The following KDM5D variants were observed in gnomAD, a reference collection of about 807,000 sequenced individuals.
KDM5D encodes the protein lysine demethylase 5D.
In KDM5D, 25 loss-of-function variants were observed where a neutral mutation model predicts 31.9. That is an observed-to-expected ratio of 0.78 (90% CI 0.57 to 1.09). KDM5D has a LOEUF of 1.09. KDM5D is among the 50% of genes least tolerant of loss of function. KDM5D has a pLI of 0.00. For missense variants in KDM5D, 366 were observed against 341.6 expected (o/e 1.07, Z -0.56); for synonymous variants, 146 against 122.3 (o/e 1.19, Z -1.28).
chrY:19,706,510 G>A lies in KDM5D; in HGVS notation c.4200C>T (p.Asn1400=). The part of the protein sequence containing the change: ...GDLLEVTLDE[N]HSIWQLLQAG... The stretch of plus-strand genomic sequence containing the variant: ...CCTGCAGCAGCTGCCAGATGCTGTG[G>A]TTCTCATCCAGGGTCACCTCAAGCA... The change falls in exon 26 of 27, where the codon AAC becomes AAT. Residue 1400 remains asparagine, a synonymous_variant. Transcript: ENST00000317961. 2.5e-6 allele frequency: 1 copy of A among 396,542 alleles called. No homozygotes were observed. Among genetic ancestry groups the A allele is most frequent in the Non-Finnish European group, 3.5e-6 (1 of 283,139 alleles).
Position 19,731,878 on chromosome Y carries a change from A to G in KDM5D, c.1265T>C (p.Ile422Thr). ...ATATTCAACTGTCACGTCTTCCTCA[A>G]TGCTGCTCACCAGCCTCCAGAATTC... ...EKEFWRLVSS[I>T]EEDVTVEYGA... The change falls in exon 11 of 27, where the codon ATT (isoleucine) becomes ACT (threonine). Residue 422 changes from isoleucine to threonine, a missense_variant. Ile to Thr is a moderately conservative substitution (Grantham distance 89, BLOSUM62 -1). Coordinates refer to ENST00000317961, the MANE Select transcript of KDM5D (RefSeq NM_004653.5). The G allele has an allele frequency of 2.5e-6, 1 of 397,746 alleles. No individual in the cohort carries two copies.
intron 8 of KDM5D, 49 bp from the exon 9 acceptor site, chrY:19,732,791 C>A: frequency 3.9e-6 from 1 of 255,350 alleles, no homozygotes; most frequent in Non-Finnish European, 6.1e-6. Flanking sequence ...TGTTCCCTGA[C>A]ACCTTATCGC....
intron 23 of KDM5D, 70 bp from the exon 24 acceptor site, chrY:19,707,816 C>T: frequency 7.8e-6 from 3 of 386,640 alleles, no homozygotes; most frequent in Non-Finnish European, 1.1e-5. Flanking sequence ...ATCCTAATGC[C>T]CAGCTCCCAA....
Position 19,732,614 on chromosome Y carries a change from G to A in KDM5D, c.1062C>T (p.Gly354=), listed in dbSNP as rs1329701212. Residue 354 remains glycine, a synonymous_variant, in exon 9 of 27, where the codon GGC becomes GGT. Coordinates refer to ENST00000317961, the MANE Select transcript of KDM5D (RefSeq NM_004653.5). ...LLPPLPEIPR[G]IWRCPKCILA... is the part of the protein sequence containing the mutation. ...AGATACATTTTGGGCACCTCCAGATGCCTCTGGGGATTTCAGGAAGGGGTG... is the reference window on the plus strand; with the variant it reads ...AGATACATTTTGGGCACCTCCAGATACCTCTGGGGATTTCAGGAAGGGGTG... 1 of 393,218 alleles carries A rather than the reference G, an allele frequency of 2.5e-6. No individual in the cohort carries two copies.
At chrY:19,736,214 GTA>G (rs2045510189) in intron 6 of KDM5D, among the ~76,000 whole-genome samples, 1 of 33,297 alleles carries the variant, frequency 3.0e-5, no homozygotes, top group Non-Finnish European at 7.4e-5. Flanking sequence ...AACTCATTAA[GTA>G]TCAAAATACA....
chrY:19,727,990 G>C, intron 11 of KDM5D, among the ~76,000 whole-genome samples: 1 of 32,313 alleles, frequency 3.1e-5, no homozygotes. Flanking sequence ...GAACAGTAAG[G>C]TTCTAGCTAA....
intron 4 of KDM5D, 31 bp from the exon 5 acceptor site, chrY:19,741,519 T>C: frequency 3.0e-6 from 1 of 335,112 alleles, no homozygotes; most frequent in Non-Finnish European, 4.4e-6. Context: ...ATGGATGAAC[T>C]GTGAACAGAC....
At chrY:19,721,716 AGTG>A (rs2045396647) in intron 11 of KDM5D, 2 of 37,225 alleles carry the variant, frequency 5.4e-5, no homozygotes, top group African/African-American at 1.2e-4. Context: ...TATAAAAATC[AGTG>A]GTGTTTGTAT....
rs747204991 is a variant in KDM5D, at chrY:19,706,280, C to T, written c.4335G>A (p.Arg1445=). 1 of 395,350 alleles carries T rather than the reference C, an allele frequency of 2.5e-6. No homozygotes were observed. The highest frequency in any genetic ancestry group is 3.5e-6 in the Non-Finnish European group (1 of 281,972). Residue 1445 remains arginine, a synonymous_variant, in exon 27 of 27, where the codon CGG becomes CGA. Coordinates refer to ENST00000317961, the MANE Select transcript of KDM5D (RefSeq NM_004653.5). ...RSRALERRRR[R]QKVDQGRNVE... ...CGTTTCTACCCTGATCCACCTTCTG[C>T]CGCCGCCGTCGCCTCTCCAGAGCCC... is the stretch of plus-strand genomic sequence containing the variant.
intron 11 of KDM5D, among the ~76,000 whole-genome samples, chrY:19,723,593 G>A (rs2045410538): frequency 2.9e-5 from 1 of 33,933 alleles, no homozygotes; most frequent in South Asian, 6.7e-4. Context: ...AGAAGTTCTA[G>A]GCTGCAATAA....
At chrY:19,739,791 T>C (rs2045536470) in intron 5 of KDM5D, 129 bp from the exon 6 acceptor site, 8 of 159,180 alleles carry the variant, frequency 5.0e-5, no homozygotes, top group Non-Finnish European at 9.0e-5. Flanking sequence ...CTCTTGTTCT[T>C]TGGATAGAGC....
At chrY:19,724,823 G>T in intron 11 of KDM5D, among the ~76,000 whole-genome samples, 3 of 33,211 alleles carry the variant, frequency 9.0e-5, no homozygotes, top group African/African-American at 3.5e-4. Context: ...AAACCCCATC[G>T]TCTCAGCCCA....
chrY:19,713,880 C>G, intron 18 of KDM5D, among the ~76,000 whole-genome samples: 1 of 33,224 alleles, frequency 3.0e-5, no homozygotes, highest in African/African-American at 1.2e-4. Context: ...TTCACAAAAG[C>G]AAAGACATGA....
chrY:19,717,723 T>G, intron 13 of KDM5D, among the ~76,000 whole-genome samples: 1 of 33,674 alleles, frequency 3.0e-5, no homozygotes, highest in African/African-American at 1.2e-4. Context: ...TATCTGACTT[T>G]CATGCTCTTC....
Position 19,709,723 on chromosome Y carries a change from G to A in KDM5D, c.2670C>T (p.Ser890=), listed in dbSNP as rs778359037. ...TLPSSPGLLR[S]LLERGQQLGV... ...CCAGCTGCTGCCCCCTCTCCAACAG[G>A]GACCGCAATAGCCCTGGACTAGAGG... Residue 890 remains serine, a synonymous_variant, in exon 20 of 27, where the codon TCC becomes TCT. Transcript: ENST00000317961. 2 of 397,723 alleles carry A rather than the reference G, an allele frequency of 5.0e-6. No homozygotes were observed. The highest frequency in any genetic ancestry group is 6.0e-5 in the South Asian group (2 of 33,590).
At chrY:19,733,714 T>TA (rs2045487864) in intron 8 of KDM5D, among the ~76,000 whole-genome samples, 7 of 24,581 alleles carry the variant, frequency 2.8e-4, no homozygotes, top group Admixed American at 7.6e-4. Flanking sequence ...TCTACTAAAA[T>TA]AAAAAAAAAA....
intron 6 of KDM5D, among the ~76,000 whole-genome samples, chrY:19,737,407 A>G: frequency 3.0e-5 from 1 of 33,660 alleles, no homozygotes. Context: ...GTGAGGTTAA[A>G]CACTTTTGAT....
chrY:19,706,047 G>C lies in KDM5D; in HGVS notation c.4568C>G (p.Pro1523Arg). The C allele has an allele frequency of 2.5e-6, 1 of 397,698 alleles. No homozygotes were observed. Among genetic ancestry groups the C allele is most frequent in the Non-Finnish European group, 3.5e-6 (1 of 282,773 alleles). Residue 1523 changes from proline (P) to arginine (R), a missense_variant, in exon 27 of 27, where the codon CCT becomes CGT. Transcript: ENST00000317961. Reference sequence around the variant, plus strand: ...GAGTTGTAGCAAAGGCATTAAAGAAGGACAAGCAGCTGAAGAGCCTGAATC... The same window carrying C: ...GAGTTGTAGCAAAGGCATTAAAGAACGACAAGCAGCTGAAGAGCCTGAATC... ...HKDSGSSAAC[P>R]SLMPLLQLSY...
In KDM5D at chrY:19,739,680, T is replaced by C; in HGVS notation, c.523-18A>G. 2.8e-6 allele frequency: 1 copy of C among 363,284 alleles called. No homozygotes were observed. Among genetic ancestry groups the C allele is most frequent in the Non-Finnish European group, 3.9e-6 (1 of 256,661 alleles). 90.6% of individuals were successfully genotyped at this position (363,284 alleles called of 400,897 possible). A position where few individuals can be genotyped will look rare whatever the true frequency, so the allele number is the denominator to read the frequency against. Reference sequence around the variant, plus strand: ...TTACATTGCTAGAGAGAAAAAAATATATAGAATCAGAAATTGAGTCATATT... The same window carrying C: ...TTACATTGCTAGAGAGAAAAAAATACATAGAATCAGAAATTGAGTCATATT... On this transcript the variant is annotated intron_variant, in intron 5 of 26. Transcript: ENST00000317961.
Sources: allele counts gnomAD v4.1 joint callset (sites outside exome capture counted in the v4.1 genomes callset), GRCh38; gene constraint gnomAD v4.1.1; transcripts MANE v1.5; gene names NCBI Gene and HGNC (gene_info 2026-07-23, HGNC 2026-07-21).